COX10: variants seen among roughly 807,000 people sequenced by gnomAD.
COX10 encodes protoheme IX farnesyltransferase, mitochondrial.
COX10 carries 27 observed loss-of-function variants against 37.3 expected under a neutral mutation model. The observed-to-expected ratio is 0.72, with a 90% CI of 0.53 to 1.00. The LOEUF is 1.00. Ranked by LOEUF, COX10 falls within the 50% of genes least tolerant of loss-of-function variation. The pLI is 0.00. For missense variants in COX10, 475 were observed against 563.2 expected (o/e 0.84, Z 1.59); for synonymous variants, 222 against 229.1 (o/e 0.97, Z 0.28).
intron 6 of COX10, among the ~76,000 whole-genome samples, chr17:14,194,693 G>A (rs1434102227): frequency 1.3e-5 from 2 of 152,126 alleles, no homozygotes; most frequent in African/African-American, 4.8e-5. Context: ...CCAAAGTGCT[G>A]GGATTACAGG....
rs1905365235 is a variant in COX10, at chr17:14,168,774, C to T, written c.695+8827C>T. Among the ~76,000 whole-genome samples, 4 of 152,200 alleles carry T rather than the reference C, an allele frequency of 2.6e-5. No individual in the cohort carries two copies. In the South Asian group the frequency reaches 8.3e-4, roughly 32 times the overall value. ...CACCATGTCCTGAGGCTGTACAGAA[C>T]AGCAAGGCCCTGGGCTCAGCCCACG... On this transcript the variant is annotated intron_variant, in intron 5 of 6. Transcript: ENST00000261643.
At position 14,131,992 on chromosome 17, in the gene COX10, A is replaced by G. The variant is rs768094466; in HGVS notation, c.625-27885A>G. 4.7e-4 allele frequency among the ~76,000 whole-genome samples: 72 copies of G among 152,052 alleles called. 2 individuals carry two copies. Among genetic ancestry groups the G allele is most frequent in the Non-Finnish European group, 2.7e-4 (18 of 67,916 alleles). On this transcript the variant is annotated intron_variant, in intron 4 of 6. Coordinates refer to ENST00000261643, the MANE Select transcript of COX10 (RefSeq NM_001303.4). ...CTACTTACTAGAAGTTTCTTTAAAT[A>G]TGTACATTGTTGTCATATATATCTT...
At chr17:14,099,163 C>G (rs546532264) in intron 3 of COX10, among the ~76,000 whole-genome samples, 1 of 152,206 alleles carries the variant, frequency 6.6e-6, no homozygotes, top group South Asian at 2.1e-4. Flanking sequence ...GTGCATGTCT[C>G]TCGTTTCTGG....
At chr17:14,169,315 C>T (rs1905386114) in intron 5 of COX10, among the ~76,000 whole-genome samples, 1 of 152,220 alleles carries the variant, frequency 6.6e-6, no homozygotes, top group African/African-American at 2.4e-5. Flanking sequence ...GTCTGTATCA[C>T]TATGAGCATT....
intron 4 of COX10, among the ~76,000 whole-genome samples, chr17:14,139,362 A>G (rs1047282997): frequency 6.6e-6 from 1 of 152,208 alleles, no homozygotes; most frequent in African/African-American, 2.4e-5. Flanking sequence ...ATTAGCCAGT[A>G]TCTGTCTAAT....
At chr17:14,103,527 A>T (rs1258965017) in intron 4 of COX10, among the ~76,000 whole-genome samples, 1 of 152,174 alleles carries the variant, frequency 6.6e-6, no homozygotes, top group East Asian at 1.9e-4. Context: ...TTCAAAGAAA[A>T]TGTTTAAAAT....
intron 5 of COX10, among the ~76,000 whole-genome samples, chr17:14,169,577 C>T (rs1048556653): frequency 6.6e-6 from 1 of 152,198 alleles, no homozygotes; most frequent in Non-Finnish European, 1.5e-5. Context: ...TTAATTGACT[C>T]ACAGTTCCAC....
chr17:14,142,497 T>A (rs955228255), intron 4 of COX10, among the ~76,000 whole-genome samples: 1 of 152,220 alleles, frequency 6.6e-6, no homozygotes, highest in Non-Finnish European at 1.5e-5. Context: ...TAAAAATATT[T>A]GCCTGCTTTC....
At chr17:14,165,456 G>A (rs892806201) in intron 5 of COX10, among the ~76,000 whole-genome samples, 14 of 152,176 alleles carry the variant, frequency 9.2e-5, no homozygotes, top group East Asian at 3.8e-4. Flanking sequence ...ACCATAAGCC[G>A]TGCCCATAAA....
intron 6 of COX10, among the ~76,000 whole-genome samples, chr17:14,204,764 T>A (rs1906644183): frequency 9.3e-6 from 1 of 108,094 alleles, no homozygotes; most frequent in South Asian, 3.6e-4. Context: ...TGCTCAGCAC[T>A]CTTATACGTT....
intron 4 of COX10, among the ~76,000 whole-genome samples, chr17:14,129,739 A>G (rs1257395686): frequency 6.6e-6 from 1 of 152,228 alleles, no homozygotes; most frequent in Admixed American, 6.5e-5. Flanking sequence ...TAACAAAAAC[A>G]GACCTCTTTA....
Position 14,102,158 on chromosome 17 carries a change from T to C in COX10, c.540T>C (p.Ala180=). 6.2e-7 allele frequency: 1 copy of C among 1,613,770 alleles called. No homozygotes were observed. The highest frequency in any genetic ancestry group is 8.5e-7 in the Non-Finnish European group (1 of 1,179,760). ...CCACTGCAGCTGGATTTGCATTGGC[T>C]CCGGGCCCTTTTGACTGGCCCTGTT... The part of the protein sequence containing the change: ...VSTTAAGFAL[A]PGPFDWPCFL... The change falls in exon 4 of 7, where the codon GCT becomes GCC. Residue 180 remains alanine (A), a synonymous_variant. Coordinates refer to ENST00000261643, the MANE Select transcript of COX10 (RefSeq NM_001303.4).
intron 4 of COX10, among the ~76,000 whole-genome samples, chr17:14,144,149 A>T (rs1478556985): frequency 6.6e-6 from 1 of 152,144 alleles, no homozygotes; most frequent in Non-Finnish European, 1.5e-5. Context: ...CCAGATGTAT[A>T]TTATAACTGT....
At chr17:14,100,645 G>A (rs1597500643) in intron 3 of COX10, among the ~76,000 whole-genome samples, 1 of 152,192 alleles carries the variant, frequency 6.6e-6, no homozygotes, top group Non-Finnish European at 1.5e-5. Flanking sequence ...AATAGTGATT[G>A]AGCTAAAGAG....
At chr17:14,157,523 A>C (rs1262651274) in intron 4 of COX10, among the ~76,000 whole-genome samples, 1 of 152,232 alleles carries the variant, frequency 6.6e-6, no homozygotes, top group Non-Finnish European at 1.5e-5. Flanking sequence ...GATGAAAAAC[A>C]ACCTGCCTGT....
chr17:14,206,758 TC>T (rs1906712628), intron 6 of COX10, 51 bp from the exon 7 acceptor site: 4 of 1,609,028 alleles, frequency 2.5e-6, no homozygotes, highest in Non-Finnish European at 3.4e-6. Context: ...TCTTTGGAAA[TC>T]TCTGGTGATG....
chr17:14,138,408 A>C (rs1050666565), intron 4 of COX10, among the ~76,000 whole-genome samples: 10 of 152,194 alleles, frequency 6.6e-5, no homozygotes, highest in Non-Finnish European at 1.2e-4. Flanking sequence ...AAAGATAAAC[A>C]TGCTGGTTGT....
chr17:14,203,676 A>G (rs111673841), intron 6 of COX10, among the ~76,000 whole-genome samples: 1 of 152,196 alleles, frequency 6.6e-6, no homozygotes, highest in Non-Finnish European at 1.5e-5. Context: ...CATTTGCACA[A>G]ACTGGGGCCC....
chr17:14,128,079 T>C (rs1234976650), intron 4 of COX10, among the ~76,000 whole-genome samples: 2 of 152,038 alleles, frequency 1.3e-5, no homozygotes, highest in Admixed American at 1.3e-4. Flanking sequence ...AGACGTTTTA[T>C]GTTTAATTTT....
Sources: allele counts gnomAD v4.1 joint callset (sites outside exome capture counted in the v4.1 genomes callset), GRCh38; gene constraint gnomAD v4.1.1; transcripts MANE v1.5; gene names NCBI Gene and HGNC (gene_info 2026-07-23, HGNC 2026-07-21).